ZDHHC14: variants seen among roughly 807,000 people sequenced by gnomAD.
ZDHHC14 encodes zDHHC palmitoyltransferase 14.
Under a neutral mutation model 47.7 loss-of-function variants are expected in ZDHHC14, and 16 were observed. The ratio of observed to expected loss-of-function variants is 0.34; its 90% CI spans 0.23 to 0.51. The LOEUF (loss-of-function observed/expected upper bound fraction) is 0.51, where lower values mean the gene tolerates loss of function less well. Among genes scored for constraint, ZDHHC14 ranks in the 20% least tolerant of loss-of-function variants. The probability of loss-of-function intolerance (pLI) is 0.97; values close to 1 mark genes in which losing one functional copy is unlikely to be tolerated. For synonymous variants in ZDHHC14, 293 were observed against 278.9 expected (o/e 1.05, Z -0.50); for missense variants, 515 against 662.5 (o/e 0.78, Z 2.44).
chr6:157,562,908 T>G, intron 2 of ZDHHC14, among the ~76,000 whole-genome samples: 1 of 149,426 alleles, frequency 6.7e-6, no homozygotes, highest in African/African-American at 2.5e-5. Context: ...TGTGCCCAGG[T>G]CAAGGAAGAA....
chr6:157,632,538 G>T, intron 4 of ZDHHC14: 1 of 416,214 alleles, frequency 2.4e-6, no homozygotes. Context: ...CTATTAAAAT[G>T]AGGAAAACAA....
intron 3 of ZDHHC14, among the ~76,000 whole-genome samples, chr6:157,620,274 G>T (rs1785135920): frequency 6.6e-6 from 1 of 152,178 alleles, no homozygotes; most frequent in Admixed American, 6.5e-5. Context: ...CGAGGGGGCT[G>T]GGCATGCTGG....
rs774178834 is a variant in ZDHHC14 at position 157,542,723 on chromosome 6, C to T, written c.384C>T (p.Ala128=). The change falls in exon 2 of 9, where the codon GCC becomes GCT. Residue 128 remains alanine (A), a synonymous_variant. Transcript: ENST00000359775. ...GVLPRATPDE[A]ADLERQIDIA... ...TCCCACGAGCCACGCCTGATGAAGC[C>T]GCCGATCTGGAAAGGCAAATAGGTA... The T allele has an allele frequency of 1.1e-5, 17 of 1,613,962 alleles. No individual in the cohort carries two copies. Among genetic ancestry groups the T allele is most frequent in the Admixed American group, 1.7e-5 (1 of 59,998 alleles).
intron 1 of ZDHHC14, among the ~76,000 whole-genome samples, chr6:157,520,592 A>G (rs1780878070): frequency 6.6e-6 from 1 of 152,256 alleles, no homozygotes; most frequent in African/African-American, 2.4e-5. Context: ...CTGGCTTTCT[A>G]GAATTTTTAA....
chr6:157,647,462 C>G (rs1243516360), intron 7 of ZDHHC14, 94 bp downstream of exon 7: 1 of 867,518 alleles, frequency 1.2e-6, no homozygotes, highest in Non-Finnish European at 1.8e-6. Context: ...TGGAATGGGT[C>G]GCCGCCACCA....
intron 1 of ZDHHC14, among the ~76,000 whole-genome samples, chr6:157,428,381 C>T (rs896210978): frequency 1.1e-4 from 17 of 152,144 alleles, no homozygotes; most frequent in African/African-American, 3.9e-4. Context: ...AACTGGTATT[C>T]GTCTAAAATT....
chr6:157,622,236 AAAAT>A (rs1262924556), intron 3 of ZDHHC14, among the ~76,000 whole-genome samples: 3 of 143,848 alleles, frequency 2.1e-5, no homozygotes, highest in African/African-American at 8.0e-5. Context: ...AAAAAAAAAA[AAAAT>A]AGCCAGATGT....
chr6:157,392,508 C>T (rs1035948289), intron 1 of ZDHHC14, among the ~76,000 whole-genome samples: 2 of 152,120 alleles, frequency 1.3e-5, no homozygotes, highest in African/African-American at 4.8e-5. Context: ...GGCCAGCTTT[C>T]TTTGGAAGCC....
rs556275165 is a variant in ZDHHC14, at chr6:157,582,472, C to T, written c.407-10516C>T. Among the ~76,000 whole-genome samples, 2 of 152,252 alleles carry T rather than the reference C, an allele frequency of 1.3e-5. No individual in the cohort carries two copies. Among genetic ancestry groups the T allele is most frequent in the African/African-American group, 4.8e-5 (2 of 41,554 alleles). On this transcript the variant is annotated intron_variant, in intron 2 of 8. Transcript: ENST00000359775. The surrounding 1 kb of genome is among the most constrained non-coding windows in gnomAD (Gnocchi z 4.3). ...AACATTTGCTTTGAAAAAGATCTTA[C>T]TTATCCCTCATTTATGAAGCTTAGT...
chr6:157,622,368 G>T (rs1683772179), intron 3 of ZDHHC14, among the ~76,000 whole-genome samples: 1 of 152,166 alleles, frequency 6.6e-6, no homozygotes, highest in South Asian at 2.1e-4. Context: ...TCCAGCCTGG[G>T]CAACAGAGCA....
chr6:157,592,505 T>C (rs887496196), intron 2 of ZDHHC14, among the ~76,000 whole-genome samples: 2 of 151,136 alleles, frequency 1.3e-5, no homozygotes, highest in East Asian at 3.9e-4. Context: ...GGTGTGTTAA[T>C]GAGGGCAAGG....
intron 3 of ZDHHC14, among the ~76,000 whole-genome samples, chr6:157,593,415 A>G (rs1783997157): frequency 6.6e-6 from 1 of 152,132 alleles, no homozygotes. Flanking sequence ...GTCAGCAGGC[A>G]CGTGAAATAA....
chr6:157,622,859 C>T (rs1207776616), intron 3 of ZDHHC14, among the ~76,000 whole-genome samples: 1 of 134,902 alleles, frequency 7.4e-6, no homozygotes, highest in Non-Finnish European at 1.6e-5. Context: ...AGATTGAAGA[C>T]ATTTCTGCCT....
chr6:157,451,675 C>T lies in ZDHHC14; in HGVS notation c.245+69409C>T, dbSNP rs548189471. On this transcript the variant is annotated intron_variant, in intron 1 of 8. Transcript: ENST00000359775. ...TCCTGGGTTCAAGCGATTCTTGTGC[C>T]TCAGCCTCCCGAGTAGCTGGGATTA... Among the ~76,000 whole-genome samples the T allele has an allele frequency of 2.0e-5, 3 of 152,288 alleles. No homozygotes were observed. In the East Asian group the frequency reaches 5.8e-4, roughly 29 times the overall value.
At chr6:157,517,660 T>C (rs1387502016) in intron 1 of ZDHHC14, among the ~76,000 whole-genome samples, 13 of 152,138 alleles carry the variant, frequency 8.5e-5, no homozygotes, top group Admixed American at 7.2e-4. Context: ...TTCTGTCAGG[T>C]ACATCCCAAA....
intron 6 of ZDHHC14, 28 bp downstream of exon 6, chr6:157,645,867 G>A (rs374266696): frequency 6.9e-6 from 11 of 1,600,628 alleles, no homozygotes; most frequent in African/African-American, 1.3e-5. Flanking sequence ...CGGGACACGG[G>A]CGTGTTCTTG....
chr6:157,656,706 C>CAAA (rs755645927), intron 8 of ZDHHC14, among the ~76,000 whole-genome samples: 3 of 129,292 alleles, frequency 2.3e-5, no homozygotes, highest in Admixed American at 8.1e-5. Context: ...TTGAAGATAC[C>CAAA]AAAAAAAAAA....
chr6:157,627,620 A>C (rs1231041656), intron 3 of ZDHHC14, among the ~76,000 whole-genome samples: 2 of 152,216 alleles, frequency 1.3e-5, no homozygotes, highest in Non-Finnish European at 2.9e-5. Context: ...TCTGTCATTT[A>C]TAAAGTGCCA....
At chr6:157,514,531 G>A (rs1437562557) in intron 1 of ZDHHC14, among the ~76,000 whole-genome samples, 1 of 152,260 alleles carries the variant, frequency 6.6e-6, no homozygotes, top group African/African-American at 2.4e-5. Context: ...CAAGAAGTTG[G>A]ATTGGAAGAA....
Sources: allele counts gnomAD v4.1 joint callset (sites outside exome capture counted in the v4.1 genomes callset), GRCh38; gene constraint gnomAD v4.1.1; non-coding constraint Gnocchi (gnomAD v3.1); transcripts MANE v1.5; gene names NCBI Gene and HGNC (gene_info 2026-07-23, HGNC 2026-07-21).